NAALADL2: variants seen among roughly 807,000 people sequenced by gnomAD.
NAALADL2 encodes the protein inactive N-acetylated-alpha-linked acidic dipeptidase-like protein 2.
NAALADL2 carries 76 observed loss-of-function variants against 87.2 expected under a neutral mutation model. The ratio of observed to expected loss-of-function variants is 0.87; its 90% CI spans 0.72 to 1.05. The LOEUF (loss-of-function observed/expected upper bound fraction) is 1.05. Among genes scored for constraint, NAALADL2 ranks in the 50% least tolerant of loss-of-function variants. The pLI is 0.00. For missense variants in NAALADL2, 1,089 were observed against 945.8 expected, an observed-to-expected ratio of 1.15 and a Z score of -1.99; for synonymous variants, 354 against 331.0, an observed-to-expected ratio of 1.07 and a Z score of -0.75.
intron 9 of NAALADL2, among the ~76,000 whole-genome samples, chr3:175,491,301 CT>C (rs1293295785): frequency 2.7e-5 from 4 of 150,546 alleles, no homozygotes; most frequent in Non-Finnish European, 5.9e-5. Context: ...TGTTTATTGA[CT>C]TGAATTTTTT....
chr3:174,478,918 A>G (rs1717378223), intron 1 of NAALADL2, among the ~76,000 whole-genome samples: 2 of 152,248 alleles, frequency 1.3e-5, no homozygotes, highest in Non-Finnish European at 2.9e-5. Context: ...CATGCTGGCT[A>G]GGCTGGTCTT....
intron 10 of NAALADL2, among the ~76,000 whole-genome samples, chr3:175,619,293 G>A (rs1725862837): frequency 6.6e-6 from 1 of 150,638 alleles, no homozygotes; most frequent in Non-Finnish European, 1.5e-5. Flanking sequence ...AAAGAAGGAA[G>A]GAAGGAAGAG....
At chr3:174,450,188 G>A (rs577853622) in intron 1 of NAALADL2, among the ~76,000 whole-genome samples, 17 of 152,106 alleles carry the variant, frequency 1.1e-4, no homozygotes, top group African/African-American at 2.9e-4. Flanking sequence ...AACACCAAGC[G>A]TTTGGTCTAG....
At chr3:175,297,586 T>A (rs752473170) in intron 4 of NAALADL2, among the ~76,000 whole-genome samples, 2 of 152,208 alleles carry the variant, frequency 1.3e-5, no homozygotes, top group African/African-American at 2.4e-5. Flanking sequence ...TTTTCAGTCA[T>A]GTTTTGCTAC....
At chr3:175,080,152 A>T (rs1448871044) in intron 1 of NAALADL2, among the ~76,000 whole-genome samples, 1 of 152,068 alleles carries the variant, frequency 6.6e-6, no homozygotes, top group Non-Finnish European at 1.5e-5. Flanking sequence ...TTTTTAGTAG[A>T]GGCGGGTTTT....
intron 9 of NAALADL2, among the ~76,000 whole-genome samples, chr3:175,514,661 T>C (rs539993888): frequency 9.2e-5 from 14 of 152,282 alleles, no homozygotes; most frequent in African/African-American, 3.4e-4. Flanking sequence ...CAGCGGTGTG[T>C]TGTCTTTGAG....
chr3:174,749,504 G>GAA (rs57331910), intron 3 of NAALADL2, among the ~76,000 whole-genome samples: 11,152 of 143,102 alleles, frequency 0.078, 454 homozygotes, highest in Middle Eastern at 0.14. Flanking sequence ...TAGTAGTTAG[G>GAA]AAAAAAAAAA....
chr3:175,293,696 G>A (rs1178862252), intron 4 of NAALADL2, among the ~76,000 whole-genome samples: 6 of 152,204 alleles, frequency 3.9e-5, no homozygotes, highest in Non-Finnish European at 8.8e-5. Context: ...TGCTATGTGA[G>A]GACACAGCTA....
intron 9 of NAALADL2, among the ~76,000 whole-genome samples, chr3:175,551,507 T>C (rs1227078496): frequency 1.3e-5 from 2 of 152,190 alleles, no homozygotes; most frequent in African/African-American, 2.4e-5. Flanking sequence ...TCTTCCCCTA[T>C]ACAATCAAAT....
chr3:175,099,836 C>T (rs546152820), intron 2 of NAALADL2, among the ~76,000 whole-genome samples: 71 of 151,992 alleles, frequency 4.7e-4, no homozygotes, highest in Middle Eastern at 3.4e-3. Context: ...CTTGTTTGTC[C>T]ACCATTAAAG....
At chr3:174,896,280 A>T (rs890156617) in intron 1 of NAALADL2, among the ~76,000 whole-genome samples, 22 of 152,094 alleles carry the variant, frequency 1.4e-4, no homozygotes, top group Non-Finnish European at 3.1e-4. Context: ...ATTTGAAAAA[A>T]CCTAATGACT....
At chr3:174,741,251 A>G (rs570486982) in intron 3 of NAALADL2, among the ~76,000 whole-genome samples, 1 of 151,756 alleles carries the variant, frequency 6.6e-6, no homozygotes, top group Non-Finnish European at 1.5e-5. Context: ...CCCTCCGTCA[A>G]TGTAATTTTA....
Position 175,015,653 on chromosome 3 carries a change from A to T in NAALADL2, c.44-81137A>T, listed in dbSNP as rs568724680. 2.6e-5 allele frequency among the ~76,000 whole-genome samples: 4 copies of T among 152,228 alleles called. No homozygotes were observed. The South Asian group carries it at 8.3e-4, about 32-fold the overall frequency. ...AGAAGAAGGAAATTGAAAATATATC[A>T]TTTAGTTTCACAGCAGCAGTTAAAA... On this transcript the variant is annotated intron_variant, in intron 1 of 13. Transcript: ENST00000454872.
intron 5 of NAALADL2, among the ~76,000 whole-genome samples, chr3:175,435,631 T>C (rs1459656488): frequency 7.2e-5 from 11 of 152,076 alleles, no homozygotes; most frequent in Admixed American, 3.9e-4. Context: ...AGAATGATGG[T>C]AACTCATATA....
chr3:175,561,737 C>T (rs1285743551), intron 9 of NAALADL2, among the ~76,000 whole-genome samples: 5 of 152,122 alleles, frequency 3.3e-5, no homozygotes, highest in Non-Finnish European at 5.9e-5. Flanking sequence ...CACCTTTATC[C>T]TCCCCTCATA....
At chr3:175,533,687 C>A (rs1452463939) in intron 9 of NAALADL2, among the ~76,000 whole-genome samples, 1 of 152,204 alleles carries the variant, frequency 6.6e-6, no homozygotes. Context: ...ACAGTGAACA[C>A]CTGGCGAGGC....
At chr3:174,844,620 C>G (rs993008624) in intron 3 of NAALADL2, among the ~76,000 whole-genome samples, 1 of 151,996 alleles carries the variant, frequency 6.6e-6, no homozygotes, top group African/African-American at 2.4e-5. Context: ...TTCTTCCAAT[C>G]CGTAAACATT....
intron 1 of NAALADL2, among the ~76,000 whole-genome samples, chr3:174,879,136 T>G (rs1430657292): frequency 6.6e-6 from 1 of 152,102 alleles, no homozygotes; most frequent in Admixed American, 6.6e-5. Flanking sequence ...TCAAGGTATT[T>G]TTTTCGTACC....
intron 2 of NAALADL2, among the ~76,000 whole-genome samples, chr3:175,204,977 C>T (rs1740607853): frequency 1.3e-5 from 2 of 152,062 alleles, no homozygotes; most frequent in Non-Finnish European, 2.9e-5. Flanking sequence ...AATGGAAACA[C>T]ATCCCATGCT....
Sources: allele counts gnomAD v4.1 joint callset (sites outside exome capture counted in the v4.1 genomes callset), GRCh38; gene constraint gnomAD v4.1.1; transcripts MANE v1.5; gene names NCBI Gene and HGNC (gene_info 2026-07-23, HGNC 2026-07-21).